Variants in NCK2 observed in about 807,000 individuals in gnomAD.
NCK2 encodes NCK adaptor protein 2, also known as cytoplasmic protein NCK2.
Under a neutral mutation model 33.9 loss-of-function variants are expected in NCK2, and 16 were observed. The observed-to-expected ratio is 0.47, with a 90% CI of 0.32 to 0.72. The LOEUF (loss-of-function observed/expected upper bound fraction) is 0.72, where lower values mean the gene tolerates loss of function less well. Ranked by LOEUF, NCK2 falls within the 30% of genes least tolerant of loss-of-function variation. The probability of loss-of-function intolerance (pLI) is 0.03; values close to 1 mark genes in which losing one functional copy is unlikely to be tolerated. For missense variants in NCK2, 418 were observed against 537.3 expected, an observed-to-expected ratio of 0.78 and a Z score of 2.19; for synonymous variants, 273 against 239.9, an observed-to-expected ratio of 1.14 and a Z score of -1.27.
intron 1 of NCK2, among the ~76,000 whole-genome samples, chr2:105,786,690 G>A (rs1348539443): frequency 2.0e-5 from 3 of 152,152 alleles, no homozygotes; most frequent in African/African-American, 4.8e-5. Flanking sequence ...CTGGGTCCCC[G>A]GGCAGGGCTT....
chr2:105,752,455 A>G lies in NCK2; in HGVS notation c.-201+7317A>G, dbSNP rs573125836. On this transcript the variant is annotated intron_variant, in intron 1 of 4. Transcript: ENST00000233154. ...TATCTTAAAATGTGGTTTGAATTCTAGAAGTTACCAGTGTAAAATAACATT... is the reference window on the plus strand; with the variant it reads ...TATCTTAAAATGTGGTTTGAATTCTGGAAGTTACCAGTGTAAAATAACATT... 4.6e-5 allele frequency among the ~76,000 whole-genome samples: 7 copies of G among 152,358 alleles called. No individual in the cohort carries two copies. In the South Asian group the frequency reaches 1.2e-3, roughly 27 times the overall value.
intron 3 of NCK2, among the ~76,000 whole-genome samples, chr2:105,866,803 C>A (rs981971492): frequency 6.6e-6 from 1 of 152,170 alleles, no homozygotes; most frequent in Non-Finnish European, 1.5e-5. Context: ...GGTACTTGGT[C>A]CTGACACAGG....
intron 1 of NCK2, among the ~76,000 whole-genome samples, chr2:105,809,977 G>A (rs1675226966): frequency 6.6e-6 from 1 of 152,160 alleles, no homozygotes. Context: ...GTGGAGGGCT[G>A]TGATGTCAGA....
At chr2:105,779,980 T>C (rs1690435210) in intron 1 of NCK2, among the ~76,000 whole-genome samples, 1 of 152,200 alleles carries the variant, frequency 6.6e-6, no homozygotes, top group Admixed American at 6.5e-5. Flanking sequence ...CAAGACCTCC[T>C]GTGTGTGCTT....
intron 3 of NCK2, among the ~76,000 whole-genome samples, chr2:105,856,186 C>T (rs1341769920): frequency 6.6e-6 from 1 of 152,186 alleles, no homozygotes; most frequent in African/African-American, 2.4e-5. Flanking sequence ...GCAGTGCCCT[C>T]CTGGAGTTAC....
At chr2:105,855,832 CTTTTTT>C (rs34445543) in intron 3 of NCK2, 8 of 113,148 alleles carry the variant, frequency 7.1e-5, no homozygotes, top group East Asian at 2.6e-4. Flanking sequence ...CCATGTGCCT[CTTTTTT>C]TTTTTTTTTT....
intron 1 of NCK2, among the ~76,000 whole-genome samples, chr2:105,771,241 C>G (rs1461013699): frequency 6.6e-6 from 1 of 151,628 alleles, no homozygotes; most frequent in Non-Finnish European, 1.5e-5. Context: ...TATTTCTATC[C>G]CCTTTTATAT....
At chr2:105,829,834 G>A (rs1676097372) in intron 2 of NCK2, among the ~76,000 whole-genome samples, 1 of 152,162 alleles carries the variant, frequency 6.6e-6, no homozygotes, top group Non-Finnish European at 1.5e-5. Flanking sequence ...TCATCTCCTT[G>A]AAGATGGAGT....
chr2:105,825,001 A>G (rs1393399206), intron 2 of NCK2, among the ~76,000 whole-genome samples: 1 of 152,196 alleles, frequency 6.6e-6, no homozygotes, highest in Non-Finnish European at 1.5e-5. Flanking sequence ...GATGCTGCCC[A>G]CATTTGTTGG....
intron 3 of NCK2, among the ~76,000 whole-genome samples, chr2:105,866,939 G>A (rs1677791280): frequency 6.6e-6 from 1 of 152,182 alleles, no homozygotes; most frequent in African/African-American, 2.4e-5. Flanking sequence ...TCTTTATGGT[G>A]CATTTGTCTT....
chr2:105,754,899 C>T (rs1689557507), intron 1 of NCK2, among the ~76,000 whole-genome samples: 1 of 152,012 alleles, frequency 6.6e-6, no homozygotes, highest in African/African-American at 2.4e-5. Context: ...CAGAATCTAG[C>T]AAGATGGTTA....
chr2:105,813,147 A>G (rs967551362), intron 1 of NCK2, among the ~76,000 whole-genome samples: 1 of 152,186 alleles, frequency 6.6e-6, no homozygotes, highest in Non-Finnish European at 1.5e-5. Context: ...GGGCTGAATG[A>G]TAAGATGTAT....
At chr2:105,862,356 G>A (rs1367601227) in intron 3 of NCK2, among the ~76,000 whole-genome samples, 1 of 152,146 alleles carries the variant, frequency 6.6e-6, no homozygotes, top group East Asian at 1.9e-4. Context: ...ATAAATTTAT[G>A]AAAATGTCCA....
intron 1 of NCK2, among the ~76,000 whole-genome samples, chr2:105,760,840 C>G (rs1014666905): frequency 1.3e-5 from 2 of 151,410 alleles, no homozygotes; most frequent in Non-Finnish European, 2.9e-5. Flanking sequence ...GGACTGTGTT[C>G]AGGTTTGAGC....
chr2:105,855,278 A>G lies in NCK2; in HGVS notation c.215A>G (p.Lys72Arg), dbSNP rs757054911. 1.2e-6 allele frequency: 2 copies of G among 1,603,786 alleles called. No homozygotes were observed. The highest frequency in any genetic ancestry group is 3.4e-5 in the Admixed American group (2 of 58,008). ...LKKGSLVKNLKDTLGLGKTRR... is the reference protein window; with the variant it reads ...LKKGSLVKNLRDTLGLGKTRR... The stretch of plus-strand genomic sequence containing the variant: ...AAGGGCTCCCTCGTGAAGAACCTGA[A>G]GGACACACTAGGTGAGTGTTTCACC... Residue 72 changes from lysine (K) to arginine (R), a missense_variant, in exon 3 of 5, where the codon AAG becomes AGG. Transcript: ENST00000233154.
chr2:105,878,487 G>A (rs1024925055), intron 3 of NCK2, among the ~76,000 whole-genome samples: 1 of 152,240 alleles, frequency 6.6e-6, no homozygotes, highest in Non-Finnish European at 1.5e-5. Context: ...GGAAGACCAT[G>A]TGAAGACACA....
chr2:105,776,991 G>A (rs949685338), intron 1 of NCK2, among the ~76,000 whole-genome samples: 1 of 151,632 alleles, frequency 6.6e-6, no homozygotes, highest in African/African-American at 2.4e-5. Flanking sequence ...GGGCTGGACA[G>A]CCAAAGGCAT....
chr2:105,789,245 T>C (rs1690791001), intron 1 of NCK2, among the ~76,000 whole-genome samples: 1 of 146,592 alleles, frequency 6.8e-6, no homozygotes, highest in African/African-American at 2.4e-5. Context: ...TGGAGTGTAG[T>C]GGCGCGATCT....
At position 105,855,306 on chromosome 2, in the gene NCK2, C is replaced by T. The variant is rs368999483; in HGVS notation, c.226+17C>T. Reference sequence around the variant, plus strand: ...ACACACTAGGTGAGTGTTTCACCCTCGAGAGAGGAAGCCTTGTGCATTTCA... The same window carrying T: ...ACACACTAGGTGAGTGTTTCACCCTTGAGAGAGGAAGCCTTGTGCATTTCA... On this transcript the variant is annotated intron_variant, in intron 3 of 4. Coordinates refer to ENST00000233154, the MANE Select transcript of NCK2 (RefSeq NM_003581.5). 1.5e-5 allele frequency: 24 copies of T among 1,558,438 alleles called. No homozygotes were observed. In the South Asian group the frequency reaches 1.7e-4, roughly 11 times the overall value.
Sources: allele counts gnomAD v4.1 joint callset (sites outside exome capture counted in the v4.1 genomes callset), GRCh38; gene constraint gnomAD v4.1.1; transcripts MANE v1.5; gene names NCBI Gene and HGNC (gene_info 2026-07-23, HGNC 2026-07-21).